Variants in TMEM117 observed in about 807,000 individuals in gnomAD.
The protein encoded by TMEM117 is transmembrane protein 117.
Under a neutral mutation model 52.4 loss-of-function variants are expected in TMEM117, and 27 were observed. The ratio of observed to expected loss-of-function variants is 0.51; its 90% confidence interval spans 0.38 to 0.71. The LOEUF (loss-of-function observed/expected upper bound fraction) is 0.71, where lower values mean the gene tolerates loss of function less well. Ranked by LOEUF, TMEM117 falls within the 30% of genes least tolerant of loss-of-function variation. The pLI, the probability that TMEM117 is intolerant of heterozygous loss-of-function variation, is 0.00. For synonymous variants in TMEM117, 215 were observed against 206.3 expected (o/e 1.04, Z -0.36); for missense variants, 556 against 630.5 (o/e 0.88, Z 1.26).
chr12:44,173,306 A>T (rs1949074386), intron 4 of TMEM117, among the ~76,000 whole-genome samples: 1 of 152,156 alleles, frequency 6.6e-6, no homozygotes, highest in African/African-American at 2.4e-5. Flanking sequence ...CAAACTCCTG[A>T]GCTCAGGCAA....
At chr12:43,914,748 A>G (rs1944572231) in intron 2 of TMEM117, among the ~76,000 whole-genome samples, 1 of 152,176 alleles carries the variant, frequency 6.6e-6, no homozygotes, top group Non-Finnish European at 1.5e-5. Context: ...GGAGCTGACC[A>G]AAAAGCATTT....
At chr12:44,246,350 G>A (rs545343458) in intron 5 of TMEM117, among the ~76,000 whole-genome samples, 2 of 152,254 alleles carry the variant, frequency 1.3e-5, no homozygotes, top group East Asian at 3.9e-4. Flanking sequence ...TTAACCACAA[G>A]GAGAATTGGA....
chr12:43,984,955 G>A (rs1170269979), intron 3 of TMEM117, among the ~76,000 whole-genome samples: 1 of 152,066 alleles, frequency 6.6e-6, no homozygotes, highest in Non-Finnish European at 1.5e-5. Flanking sequence ...AGAAATTTGA[G>A]CTGAAATAAG....
At chr12:43,937,374 G>T (rs958549637) in intron 2 of TMEM117, among the ~76,000 whole-genome samples, 1 of 152,190 alleles carries the variant, frequency 6.6e-6, no homozygotes, top group Admixed American at 6.5e-5. Context: ...CTAAACTCTG[G>T]ATCATGATTG....
intron 5 of TMEM117, among the ~76,000 whole-genome samples, chr12:44,289,588 T>G (rs1950679346): frequency 6.8e-6 from 1 of 147,272 alleles, no homozygotes; most frequent in Non-Finnish European, 1.5e-5. Context: ...AGTCTCCCTC[T>G]GTTACCTAGG....
intron 6 of TMEM117, among the ~76,000 whole-genome samples, chr12:44,310,578 G>A (rs1054536256): frequency 6.6e-6 from 1 of 152,116 alleles, no homozygotes; most frequent in African/African-American, 2.4e-5. Context: ...GCGGAGGTTG[G>A]GGTGAGCTGA....
chr12:43,812,698 G>A, the TMEM117 span, among the ~76,000 whole-genome samples: 1 of 152,048 alleles, frequency 6.6e-6, no homozygotes, highest in Admixed American at 6.6e-5. Context: ...CCTATACTAG[G>A]CTGGGCTCTT....
intron 5 of TMEM117, among the ~76,000 whole-genome samples, chr12:44,252,861 C>T (rs1950211710): frequency 6.6e-6 from 1 of 152,030 alleles, no homozygotes. Flanking sequence ...CACTCCTGTC[C>T]AGGAAAAATT....
chr12:44,292,636 A>C (rs570561207), intron 5 of TMEM117, among the ~76,000 whole-genome samples: 1 of 151,948 alleles, frequency 6.6e-6, no homozygotes, highest in Non-Finnish European at 1.5e-5. Context: ...GCTGCATCCT[A>C]TCAGTTTGGG....
chr12:43,979,692 G>A (rs531835652), intron 3 of TMEM117, among the ~76,000 whole-genome samples: 265 of 152,252 alleles, frequency 1.7e-3, no homozygotes, highest in Middle Eastern at 0.017. Context: ...TCATGCAAAA[G>A]TCTCCATTTG....
intron 4 of TMEM117, among the ~76,000 whole-genome samples, chr12:44,208,115 A>G (rs989264526): frequency 2.7e-5 from 4 of 149,696 alleles, no homozygotes; most frequent in African/African-American, 1.0e-4. Context: ...CTCAAAGGAA[A>G]GCAAAGATTT....
Position 44,123,257 on chromosome 12 carries a change from C to T in TMEM117, c.411-20268C>T, listed in dbSNP as rs1425377218. ...CTTTTTAATGGGGTTTTTTTTTTCT[C>T]GTAAATTTGTTTAAGTTACATATTG... On this transcript the variant is annotated intron_variant, in intron 3 of 7. Coordinates refer to ENST00000266534, the MANE Select transcript of TMEM117 (RefSeq NM_032256.3). Among the ~76,000 whole-genome samples the T allele has an allele frequency of 1.0e-4, 15 of 143,300 alleles. 1 individual carries two copies. Among genetic ancestry groups the T allele is most frequent in the African/African-American group, 2.2e-4 (8 of 36,872 alleles). 94.0% of individuals were successfully genotyped at this position (143,300 alleles called of 152,430 possible).
At chr12:43,813,259 T>TTTTTTTTTTTTC in the TMEM117 span, among the ~76,000 whole-genome samples, 2 of 131,212 alleles carry the variant, frequency 1.5e-5, no homozygotes, top group Non-Finnish European at 3.2e-5. Flanking sequence ...TTTTTTTTTT[T>TTTTTTTTTTTTC]CTGAGACAGC....
At chr12:44,083,821 T>A (rs1211173294) in intron 3 of TMEM117, 1 of 152,140 alleles carries the variant, frequency 6.6e-6, no homozygotes, top group African/African-American at 2.4e-5. Context: ...TTACTATTAC[T>A]TTTTTTGTGT....
At chr12:44,120,911 T>G (rs976088185) in intron 3 of TMEM117, among the ~76,000 whole-genome samples, 6 of 152,228 alleles carry the variant, frequency 3.9e-5, no homozygotes, top group African/African-American at 1.4e-4. Context: ...GATGTCTTTA[T>G]TAGTCCATTT....
At chr12:44,383,005 G>A (rs1952040788) in intron 7 of TMEM117, among the ~76,000 whole-genome samples, 1 of 152,098 alleles carries the variant, frequency 6.6e-6, no homozygotes, top group African/African-American at 2.4e-5. Context: ...ACAGCAAATT[G>A]CATATTTCTT....
intron 5 of TMEM117, among the ~76,000 whole-genome samples, chr12:44,279,661 A>T (rs182736863): frequency 1.7e-4 from 26 of 151,908 alleles, no homozygotes; most frequent in Admixed American, 1.5e-3. Flanking sequence ...TTACAGGCGC[A>T]TGCCACCACG....
intron 4 of TMEM117, among the ~76,000 whole-genome samples, chr12:44,205,709 T>A (rs1228203636): frequency 6.6e-6 from 1 of 151,806 alleles, no homozygotes; most frequent in Admixed American, 6.6e-5. Flanking sequence ...CAAACCACAA[T>A]AAGATACCAT....
At chr12:44,303,217 A>ATT (rs761870630) in intron 6 of TMEM117, among the ~76,000 whole-genome samples, 1 of 144,384 alleles carries the variant, frequency 6.9e-6, no homozygotes, top group Non-Finnish European at 1.5e-5. Context: ...CTAATTTTGT[A>ATT]TTTTTTTTTT....
Sources: allele counts gnomAD v4.1 joint callset (sites outside exome capture counted in the v4.1 genomes callset), GRCh38; gene constraint gnomAD v4.1.1; transcripts MANE v1.5; gene names NCBI Gene and HGNC (gene_info 2026-07-23, HGNC 2026-07-21).